The following ZNF804A variants were observed in gnomAD, a reference collection of about 807,000 sequenced individuals.
ZNF804A encodes the protein zinc finger protein 804A.
ZNF804A carries 2 observed loss-of-function variants against 16.5 expected under a neutral mutation model. The observed-to-expected ratio is 0.12, with a 90% CI of 0.05 to 0.38. ZNF804A has a LOEUF of 0.38. Ranked by LOEUF, ZNF804A falls within the 10% of genes least tolerant of loss-of-function variation. ZNF804A has a pLI of 0.99. For synonymous variants in ZNF804A, 534 were observed against 489.6 expected (o/e 1.09, Z -1.20); for missense variants, 1,473 against 1,390.7 (o/e 1.06, Z -0.94).
At chr2:184,674,245 C>G (rs986618984) in intron 1 of ZNF804A, among the ~76,000 whole-genome samples, 1 of 151,870 alleles carries the variant, frequency 6.6e-6, no homozygotes, top group African/African-American at 2.4e-5. Flanking sequence ...ATATTTATGT[C>G]ATTATCCCTC....
intron 1 of ZNF804A, among the ~76,000 whole-genome samples, chr2:184,773,506 C>G (rs1448185147): frequency 6.6e-6 from 1 of 151,910 alleles, no homozygotes. Context: ...TTCATAGCAA[C>G]CTGGTTGGAA....
At chr2:184,683,544 T>C (rs1012952404) in intron 1 of ZNF804A, among the ~76,000 whole-genome samples, 1 of 152,178 alleles carries the variant, frequency 6.6e-6, no homozygotes, top group South Asian at 2.1e-4. Flanking sequence ...GCCCCAAAGA[T>C]TGATTTTTCA....
intron 1 of ZNF804A, among the ~76,000 whole-genome samples, chr2:184,855,613 T>C (rs558262061): frequency 9.3e-4 from 116 of 124,240 alleles, no homozygotes; most frequent in Middle Eastern, 7.9e-3. Context: ...TATATATATA[T>C]ATACACACAC....
chr2:184,868,630 A>G (rs949920679), intron 2 of ZNF804A, among the ~76,000 whole-genome samples: 2 of 152,060 alleles, frequency 1.3e-5, no homozygotes, highest in African/African-American at 2.4e-5. Context: ...GAACAAAACA[A>G]ACTTAAAAGA....
intron 1 of ZNF804A, among the ~76,000 whole-genome samples, chr2:184,816,158 A>G (rs566491967): frequency 6.6e-6 from 1 of 151,996 alleles, no homozygotes; most frequent in East Asian, 1.9e-4. Context: ...TTAGGCTACA[A>G]CTTTATTAGC....
At chr2:184,837,813 C>G (rs1160332009) in intron 1 of ZNF804A, among the ~76,000 whole-genome samples, 1 of 152,156 alleles carries the variant, frequency 6.6e-6, no homozygotes, top group Non-Finnish European at 1.5e-5. Flanking sequence ...CATTTCTCCA[C>G]TTATGAGGAT....
At chr2:184,782,256 C>T (rs1404405523) in intron 1 of ZNF804A, among the ~76,000 whole-genome samples, 3 of 151,460 alleles carry the variant, frequency 2.0e-5, no homozygotes, top group African/African-American at 7.3e-5. Flanking sequence ...GTGGTTAATA[C>T]TGAGTGTCAA....
At chr2:184,675,763 A>C (rs1449079278) in intron 1 of ZNF804A, among the ~76,000 whole-genome samples, 3 of 151,804 alleles carry the variant, frequency 2.0e-5, no homozygotes, top group African/African-American at 7.2e-5. Context: ...TCTCCAACAT[A>C]GTACCTTGTT....
chr2:184,690,989 C>T (rs1692716689), intron 1 of ZNF804A, among the ~76,000 whole-genome samples: 1 of 151,944 alleles, frequency 6.6e-6, no homozygotes, highest in African/African-American at 2.4e-5. Context: ...TAATTTGTTA[C>T]ATTTGATATA....
intron 1 of ZNF804A, among the ~76,000 whole-genome samples, chr2:184,747,070 C>G (rs1030503673): frequency 6.6e-6 from 1 of 151,120 alleles, no homozygotes; most frequent in African/African-American, 2.4e-5. Flanking sequence ...GATATCAGCC[C>G]TGCTCCTTTA....
intron 1 of ZNF804A, among the ~76,000 whole-genome samples, chr2:184,794,591 A>G (rs573912393): frequency 1.3e-5 from 2 of 152,070 alleles, no homozygotes; most frequent in East Asian, 3.9e-4. Context: ...TTTTTTAAAG[A>G]AAGACAAAAA....
At chr2:184,637,635 C>G (rs966903125) in intron 1 of ZNF804A, among the ~76,000 whole-genome samples, 1 of 151,680 alleles carries the variant, frequency 6.6e-6, no homozygotes, top group Non-Finnish European at 1.5e-5. Context: ...GTGTTCATTT[C>G]TACTCAGAGT....
chr2:184,636,547 G>A (rs1364353316), intron 1 of ZNF804A, among the ~76,000 whole-genome samples: 11 of 65,826 alleles, frequency 1.7e-4, no homozygotes, highest in African/African-American at 5.5e-4. Flanking sequence ...TTGGCTCTAG[G>A]GCTGTGTGTG....
At chr2:184,777,694 G>A (rs984075981) in intron 1 of ZNF804A, among the ~76,000 whole-genome samples, 1 of 151,544 alleles carries the variant, frequency 6.6e-6, no homozygotes, top group Non-Finnish European at 1.5e-5. Flanking sequence ...TTAATTTATA[G>A]CTTCACCCTT....
intron 2 of ZNF804A, among the ~76,000 whole-genome samples, chr2:184,921,648 T>C (rs1442853924): frequency 6.6e-6 from 1 of 152,156 alleles, no homozygotes; most frequent in Non-Finnish European, 1.5e-5. Context: ...CCAGTTACTT[T>C]TATTTTTAAA....
intron 1 of ZNF804A, among the ~76,000 whole-genome samples, chr2:184,680,022 C>T (rs1411434229): frequency 6.6e-6 from 1 of 152,248 alleles, no homozygotes; most frequent in Non-Finnish European, 1.5e-5. Context: ...AATCAGCACA[C>T]ACTTTTTCAC....
intron 1 of ZNF804A, among the ~76,000 whole-genome samples, chr2:184,848,508 A>T (rs1695555825): frequency 6.6e-6 from 1 of 152,106 alleles, no homozygotes; most frequent in Non-Finnish European, 1.5e-5. Flanking sequence ...CTTCTAGAAA[A>T]ATGATAACAG....
At chr2:184,616,565 G>A (rs1387609214) in intron 1 of ZNF804A, among the ~76,000 whole-genome samples, 2 of 151,998 alleles carry the variant, frequency 1.3e-5, no homozygotes, top group African/African-American at 2.4e-5. Context: ...CTAATAAATG[G>A]ACATGTGTTT....
intron 1 of ZNF804A, among the ~76,000 whole-genome samples, chr2:184,778,517 C>T (rs1421662469): frequency 6.6e-6 from 1 of 151,612 alleles, no homozygotes; most frequent in Non-Finnish European, 1.5e-5. Context: ...ATGGAATTTT[C>T]AGGGAATGAC....
Sources: allele counts gnomAD v4.1 joint callset (sites outside exome capture counted in the v4.1 genomes callset), GRCh38; gene constraint gnomAD v4.1.1; transcripts MANE v1.5; gene names NCBI Gene and HGNC (gene_info 2026-07-23, HGNC 2026-07-21).